Variants in TMPRSS2 observed in about 807,000 individuals in gnomAD.
The protein encoded by TMPRSS2 is transmembrane protease serine 2.
A neutral mutation model predicts 67.4 loss-of-function variants in TMPRSS2; 59 were observed. The ratio of observed to expected loss-of-function variants is 0.88; its 90% CI spans 0.71 to 1.09. TMPRSS2 has a LOEUF of 1.09. TMPRSS2 is among the 50% of genes least tolerant of loss of function. TMPRSS2 has a pLI of 0.00. For missense variants in TMPRSS2, 668 were observed against 642.7 expected (o/e 1.04, Z -0.43); for synonymous variants, 257 against 257.0 (o/e 1.00, Z 0.00).
At chr21:41,507,848 C>A in intron 1 of TMPRSS2, 2 of 1,331,172 alleles carry the variant, frequency 1.5e-6, no homozygotes, top group Non-Finnish European at 2.0e-6. Context: ...GGCGAGGGCT[C>A]TCGGCCGTGC....
chr21:41,496,634 C>T (rs531013422), intron 2 of TMPRSS2, among the ~76,000 whole-genome samples: 63 of 150,152 alleles, frequency 4.2e-4, no homozygotes, highest in African/African-American at 1.5e-3. Context: ...CTTCCCGAGA[C>T]CTACCCTGTC....
intron 11 of TMPRSS2, among the ~76,000 whole-genome samples, chr21:41,469,739 C>G (rs1403050116): frequency 6.6e-6 from 1 of 152,000 alleles, no homozygotes; most frequent in African/African-American, 2.4e-5. Context: ...ACACCTGCCC[C>G]GTCCCCACCA....
chr21:41,476,082 A>G (rs535444227), intron 8 of TMPRSS2, among the ~76,000 whole-genome samples: 10 of 152,130 alleles, frequency 6.6e-5, no homozygotes, highest in Admixed American at 2.6e-4. Flanking sequence ...ACCCAAGTCT[A>G]AGCCACCGTC....
At chr21:41,504,089 C>A (rs767417297) in intron 1 of TMPRSS2, among the ~76,000 whole-genome samples, 2 of 152,232 alleles carry the variant, frequency 1.3e-5, no homozygotes. Flanking sequence ...CCAAGTCAGA[C>A]CTCGCTTGAA....
chr21:41,479,115 A>G (rs2091237801), intron 7 of TMPRSS2, 57 bp downstream of exon 7: 2 of 1,304,154 alleles, frequency 1.5e-6, no homozygotes, highest in African/African-American at 2.9e-5. Flanking sequence ...ACGATTCCCC[A>G]TGGTGTCTCC....
intron 11 of TMPRSS2, chr21:41,468,824 C>A: frequency 5.6e-6 from 2 of 357,312 alleles, no homozygotes; most frequent in Non-Finnish European, 1.0e-5. Context: ...TGGAATCCCC[C>A]TCTTATTCAC....
chr21:41,492,472 G>C (rs930312260), intron 3 of TMPRSS2, among the ~76,000 whole-genome samples: 1 of 152,206 alleles, frequency 6.6e-6, no homozygotes, highest in African/African-American at 2.4e-5. Context: ...TTATACTCCT[G>C]ATGGGTGCTT....
In TMPRSS2 at chr21:41,471,972, G is replaced by C; in HGVS notation, c.909C>G (p.Asn303Lys). 6.2e-7 allele frequency: 1 copy of C among 1,605,802 alleles called. No individual in the cohort carries two copies. Among genetic ancestry groups the C allele is most frequent in the Non-Finnish European group, 8.5e-7 (1 of 1,174,144 alleles). Residue 303 changes from asparagine (N) to lysine (K), a missense_variant, in exon 10 of 14, where the codon AAC becomes AAG. Transcript: ENST00000332149. ...CAAATGCCGTCCAATGCCATGGATTGTTAAGAGGTCTGGGAGAGAAGAAGG... is the reference window on the plus strand; with the variant it reads ...CAAATGCCGTCCAATGCCATGGATTCTTAAGAGGTCTGGGAGAGAAGAAGG... ...TAAHCVEKPL[N>K]NPWHWTAFAG...
intron 13 of TMPRSS2, among the ~76,000 whole-genome samples, chr21:41,467,006 C>T (rs1007326977): frequency 6.6e-6 from 1 of 152,158 alleles, no homozygotes; most frequent in Non-Finnish European, 1.5e-5. Context: ...CCTGCCCTTC[C>T]TAACCTTGGG....
At chr21:41,488,560 A>G in intron 4 of TMPRSS2, 47 bp from the exon 5 acceptor site, 2 of 1,570,400 alleles carry the variant, frequency 1.3e-6, no homozygotes, top group Non-Finnish European at 1.7e-6. Flanking sequence ...TGAGAAACGC[A>G]ATGAGCCTCA....
At position 41,489,522 on chromosome 21, in the gene TMPRSS2, G is replaced by A. The variant is rs985801537; in HGVS notation, c.310C>T (p.Leu104=). 2 of 1,613,992 alleles carry A rather than the reference G, an allele frequency of 1.2e-6. No individual in the cohort carries two copies. Among genetic ancestry groups the A allele is most frequent in the African/African-American group, 2.7e-5 (2 of 74,928 alleles). ...CTGCACTTACTGAACTTCCAGAGTA[G>A]GCCAGCGGCCAGCGCAGCTCCCACG... ...FLVGAALAAG[L]LWKFMGSKCS... Residue 104 remains leucine (L), a synonymous_variant, in exon 4 of 14, where the codon CTA becomes TTA. Transcript: ENST00000332149.
Position 41,465,935 on chromosome 21 carries a change from G to A in TMPRSS2, c.*207C>T, listed in dbSNP as rs754865888. The A allele has an allele frequency of 5.8e-5, 36 of 625,316 alleles. No individual in the cohort carries two copies. The highest frequency in any genetic ancestry group is 1.5e-4 in the South Asian group (7 of 47,188). 38.7% of individuals were successfully genotyped at this position (625,316 alleles called of 1,614,324 possible). On this transcript the variant is annotated 3_prime_UTR_variant, in exon 14 of 14. Coordinates refer to ENST00000332149, the MANE Select transcript of TMPRSS2 (RefSeq NM_005656.4). ...CAACCAGCCGGCCATCACCCCTTGC[G>A]GACAAGGGGTTAGGGAGAGCAGGCT...
intron 1 of TMPRSS2, among the ~76,000 whole-genome samples, chr21:41,505,975 C>T (rs748600239): frequency 5.9e-5 from 9 of 152,200 alleles, no homozygotes; most frequent in Non-Finnish European, 1.3e-4. Context: ...ACCTCTCTTC[C>T]CCAGTTTCCT....
chr21:41,470,511 A>T (rs1053410022), intron 11 of TMPRSS2, 137 bp downstream of exon 11: 4 of 734,388 alleles, frequency 5.4e-6, no homozygotes, highest in Non-Finnish European at 8.9e-6. Context: ...AAACTGAGGC[A>T]CAAGGACTGG....
At chr21:41,467,387 T>G (rs1320176352) in intron 13 of TMPRSS2, among the ~76,000 whole-genome samples, 1 of 126,798 alleles carries the variant, frequency 7.9e-6, no homozygotes, top group Non-Finnish European at 1.6e-5. Context: ...AGACTCCATC[T>G]CAAAAAAAAA....
At chr21:41,494,234 C>G (rs1033495031) in intron 3 of TMPRSS2, 122 bp downstream of exon 3, 16 of 1,052,306 alleles carry the variant, frequency 1.5e-5, no homozygotes, top group East Asian at 7.8e-5. Flanking sequence ...CTCCGGAAGA[C>G]GGAGGAGAAG....
rs770435902 is a variant in TMPRSS2 at position 41,468,497 on chromosome 21, T to A, written c.1213A>T (p.Ile405Phe). 2 of 1,614,136 alleles carry A rather than the reference T, an allele frequency of 1.2e-6. No individual in the cohort carries two copies. The highest frequency in any genetic ancestry group is 1.1e-5 in the South Asian group (1 of 91,082). Residue 405 changes from isoleucine (I) to phenylalanine (F), a missense_variant, in exon 12 of 14, where the codon ATT becomes TTT. Physicochemically the swap from Ile to Phe is conservative, Grantham distance 21. Coordinates refer to ENST00000332149, the MANE Select transcript of TMPRSS2 (RefSeq NM_005656.4). ...CTGCTGTTGCATCTCTGTGTCTCAA[T>A]GAGAAGCACCTTGGCAGCGTTCAGC... ...EVLNAAKVLL[I>F]ETQRCNSRYV...
chr21:41,472,356 C>A (rs752923503), intron 9 of TMPRSS2, among the ~76,000 whole-genome samples: 1 of 152,210 alleles, frequency 6.6e-6, no homozygotes, highest in Non-Finnish European at 1.5e-5. Flanking sequence ...TAAATGGATA[C>A]TAATGAACAG....
chr21:41,475,544 AG>A, intron 8 of TMPRSS2, among the ~76,000 whole-genome samples: 5 of 29,140 alleles, frequency 1.7e-4, no homozygotes, highest in African/African-American at 5.1e-4. Flanking sequence ...AGGGTGAGTG[AG>A]GGGGTGAGGA....
Sources: allele counts gnomAD v4.1 joint callset (sites outside exome capture counted in the v4.1 genomes callset), GRCh38; gene constraint gnomAD v4.1.1; transcripts MANE v1.5; gene names NCBI Gene and HGNC (gene_info 2026-07-23, HGNC 2026-07-21).